The following THOC6 variants were observed in gnomAD, a reference collection of about 807,000 sequenced individuals.
THOC6 encodes the protein THO complex 6.
In THOC6, 39 loss-of-function variants were observed where a neutral mutation model predicts 55.8. The ratio of observed to expected loss-of-function variants is 0.70; its 90% CI spans 0.54 to 0.91. THOC6 has a LOEUF of 0.91. THOC6 is among the 40% of genes least tolerant of loss of function. The pLI, the probability that THOC6 is intolerant of heterozygous loss-of-function variation, is 0.00. For missense variants in THOC6, 482 were observed against 442.0 expected, an observed-to-expected ratio of 1.09 and a Z score of -0.81; for synonymous variants, 192 against 175.6, an observed-to-expected ratio of 1.09 and a Z score of -0.74.
chr16:3,024,955 T>C (rs2072746712), intron 1 of THOC6, among the ~76,000 whole-genome samples: 1 of 146,028 alleles, frequency 6.8e-6, no homozygotes, highest in African/African-American at 2.6e-5. Flanking sequence ...TTTTTTTTTT[T>C]TTTTGAGATG....
Position 3,026,098 on chromosome 16 carries a change from G to T in THOC6, c.256G>T (p.Asp86Tyr), listed in dbSNP as rs960258274. 6.2e-7 allele frequency: 1 copy of T among 1,609,308 alleles called. No homozygotes were observed. The highest frequency in any genetic ancestry group is 2.2e-5 in the East Asian group (1 of 44,756). The change falls in exon 4 of 13, where the codon GAT (aspartate) becomes TAT (tyrosine). Residue 86 changes from aspartate to tyrosine, a missense_variant. Asp to Tyr is a radical substitution (Grantham distance 160). Coordinates refer to ENST00000326266, the MANE Select transcript of THOC6 (RefSeq NM_024339.5). ...GCCCGTCTATAGCATGGTTTCCACC[G>T]ATCGACATCTGCTTAGTGCTGGGGA... is the stretch of plus-strand genomic sequence containing the variant. ...DGPVYSMVST[D>Y]RHLLSAGDGE...
Position 3,024,065 on chromosome 16 carries a change from G to C in THOC6, c.-262G>C. The C allele has an allele frequency of 2.4e-6, 2 of 845,252 alleles. No homozygotes were observed. Among genetic ancestry groups the C allele is most frequent in the South Asian group, 1.8e-5 (1 of 57,052 alleles). 52.4% of individuals were successfully genotyped at this position (845,252 alleles called of 1,614,324 possible). On this transcript the variant is annotated 5_prime_UTR_variant, in exon 1 of 13. Transcript: ENST00000326266. The stretch of plus-strand genomic sequence containing the variant: ...CGCGAGGTTCTGCGCGGGCGCGGAA[G>C]ACGGGCGGCGCGTGGCGGAAGGCAG...
chr16:3,027,535 G>T (rs983165647), intron 12 of THOC6, 35 bp downstream of exon 12: 76 of 1,612,170 alleles, frequency 4.7e-5, no homozygotes, highest in Non-Finnish European at 5.4e-5. Context: ...CGGCTGGGAG[G>T]CAGGGGTGTG....
rs200979270 is a variant in THOC6, at chr16:3,026,898, C to G, written c.618C>G (p.Ile206Met). 1 of 1,614,198 alleles carries G rather than the reference C, an allele frequency of 6.2e-7. No individual in the cohort carries two copies. Among genetic ancestry groups the G allele is most frequent in the African/African-American group, 1.3e-5 (1 of 75,044 alleles). Residue 206 changes from isoleucine to methionine, a missense_variant, in exon 9 of 13, where the codon ATC becomes ATG. By Grantham distance (10) the Ile-to-Met change is conservative. Coordinates refer to ENST00000326266, the MANE Select transcript of THOC6 (RefSeq NM_024339.5). ...GCACAGCCAAGGAGGTCCAGACGAT[C>G]GAGGTCTATAAGCACGAGGTGAGGG... Reference protein sequence around the residue: ...DLRTAKEVQTIEVYKHEECSR... With the variant: ...DLRTAKEVQTMEVYKHEECSR...
rs749027948 is a variant in THOC6, at chr16:3,027,623, A to C, written c.992A>C (p.Asn331Thr). 9.9e-6 allele frequency: 16 copies of C among 1,613,734 alleles called. No individual in the cohort carries two copies. In the East Asian group the frequency reaches 2.9e-4, roughly 29 times the overall value. Residue 331 changes from asparagine to threonine, a missense_variant, in exon 13 of 13, where the codon AAC (asparagine) becomes ACC (threonine). Transcript: ENST00000326266. ...AGCTGCCGGGTGGATGTCTTCACCA[A>C]CCTGGGTTACCGAGCCTTCTCCCTG... ...GNSCRVDVFTNLGYRAFSLSF is the reference protein window; with the variant it reads ...GNSCRVDVFTTLGYRAFSLSF
In THOC6 at chr16:3,026,588, G is replaced by T; in HGVS notation, c.483+1G>T. ...GGACCTTGAAACTGGGACTTTCACG[G>T]TGAGCAGGGTCCTGGAGCCCTAGAG... On this transcript the variant is annotated splice_donor_variant, in intron 7 of 12. Transcript: ENST00000326266. LOFTEE classifies it high-confidence loss of function. The T allele has an allele frequency of 6.2e-7, 1 of 1,614,016 alleles. No homozygotes were observed. Among genetic ancestry groups the T allele is most frequent in the Non-Finnish European group, 8.5e-7 (1 of 1,179,966 alleles).
chr16:3,027,639 C>G lies in THOC6; in HGVS notation c.1008C>G (p.Ala336=). ...VDVFTNLGYR[A]FSLSF ...TCTTCACCAACCTGGGTTACCGAGC[C>G]TTCTCCCTGTCCTTCTGATCTCTGA... Residue 336 remains alanine, a synonymous_variant, in exon 13 of 13, where the codon GCC becomes GCG. Coordinates refer to ENST00000326266, the MANE Select transcript of THOC6 (RefSeq NM_024339.5). 6.2e-7 allele frequency: 1 copy of G among 1,614,132 alleles called. No individual in the cohort carries two copies. Among genetic ancestry groups the G allele is most frequent in the Non-Finnish European group, 8.5e-7 (1 of 1,179,998 alleles).
chr16:3,025,024 C>T (rs1017205372), intron 1 of THOC6, among the ~76,000 whole-genome samples: 4 of 148,612 alleles, frequency 2.7e-5, no homozygotes, highest in Non-Finnish European at 5.9e-5. Context: ...TTCACCGCAA[C>T]CTCCGCCTCC....
rs764898592 is a variant in THOC6 at position 3,024,371 on chromosome 16, A to G, written c.39+6A>G. ...TCGCGGTGCCTCTGGGTCAGGTGAG[A>G]CGGACGTGGTGCGCGTTGCCTTCTG... On this transcript the variant is annotated splice_donor_region_variant and intron_variant, in intron 1 of 12. Transcript: ENST00000326266. The G allele has an allele frequency of 1.2e-6, 2 of 1,613,998 alleles. No individual in the cohort carries two copies. Among genetic ancestry groups the G allele is most frequent in the Non-Finnish European group, 1.7e-6 (2 of 1,179,970 alleles).
intron 4 of THOC6, 40 bp downstream of exon 4, chr16:3,026,206 C>T (rs1250189045): frequency 4.3e-6 from 7 of 1,613,818 alleles, no homozygotes; most frequent in Non-Finnish European, 5.9e-6. Flanking sequence ...GGTGCCTGGA[C>T]CCAGAGAGAG....
At position 3,027,563 on chromosome 16, in the gene THOC6, C is replaced by T. The variant is rs759480042; in HGVS notation, c.946-14C>T. ...GGGGTGTGGGCAGGCCAGTCATGCC[C>T]CTCTTTCCTCCAGGTCCTGACAGCT... On this transcript the variant is annotated splice_polypyrimidine_tract_variant and intron_variant, in intron 12 of 12. Coordinates refer to ENST00000326266, the MANE Select transcript of THOC6 (RefSeq NM_024339.5). The T allele has an allele frequency of 3.7e-6, 6 of 1,613,648 alleles. No individual in the cohort carries two copies. The highest frequency in any genetic ancestry group is 2.2e-5 in the East Asian group (1 of 44,890).
At position 3,026,790 on chromosome 16, in the gene THOC6, G is replaced by A. The variant is rs1197684560; in HGVS notation, c.586+9G>A. The A allele has an allele frequency of 3.1e-6, 5 of 1,613,964 alleles. No individual in the cohort carries two copies. The highest frequency in any genetic ancestry group is 4.2e-6 in the Non-Finnish European group (5 of 1,179,912). ...AGCTGTTCGACTTTGGGGTAAGCAG[G>A]TGGCTGGTTGGAGGGCAAGATGGCA... is the stretch of plus-strand genomic sequence containing the variant. On this transcript the variant is annotated intron_variant, in intron 8 of 12. Coordinates refer to ENST00000326266, the MANE Select transcript of THOC6 (RefSeq NM_024339.5).
intron 1 of THOC6, among the ~76,000 whole-genome samples, chr16:3,024,583 G>T (rs2072733972): frequency 6.6e-6 from 1 of 151,644 alleles, no homozygotes. Flanking sequence ...TTTCTATGTT[G>T]GGGTAGTAGA....
Position 3,026,594 on chromosome 16 carries a change from A to C in THOC6, c.483+7A>C, listed in dbSNP as rs760365642. On this transcript the variant is annotated splice_region_variant and intron_variant, in intron 7 of 12. Coordinates refer to ENST00000326266, the MANE Select transcript of THOC6 (RefSeq NM_024339.5). The stretch of plus-strand genomic sequence containing the variant: ...TGAAACTGGGACTTTCACGGTGAGC[A>C]GGGTCCTGGAGCCCTAGAGCAGGTC... The C allele has an allele frequency of 8.1e-6, 13 of 1,613,780 alleles. No homozygotes were observed. Among genetic ancestry groups the C allele is most frequent in the Non-Finnish European group, 1.1e-5 (13 of 1,179,922 alleles).
chr16:3,026,431 C>T lies in THOC6; in HGVS notation c.411+18C>T, dbSNP rs1567416103. On this transcript the variant is annotated intron_variant, in intron 6 of 12. Coordinates refer to ENST00000326266, the MANE Select transcript of THOC6 (RefSeq NM_024339.5). ...TCCCCAAGGTCTGAGCCCCATGTGA[C>T]TGTTCTTGGTCCAAACTTTGATCCT... 1 of 1,614,166 alleles carries T rather than the reference C, an allele frequency of 6.2e-7. No homozygotes were observed. Among genetic ancestry groups the T allele is most frequent in the Non-Finnish European group, 8.5e-7 (1 of 1,180,040 alleles).
chr16:3,027,371 G>C lies in THOC6; in HGVS notation c.816G>C (p.Leu272=), dbSNP rs775265023. The C allele has an allele frequency of 6.2e-7, 1 of 1,613,014 alleles. No individual in the cohort carries two copies. The highest frequency in any genetic ancestry group is 1.1e-5 in the South Asian group (1 of 91,062). ...ACCTTCCCTGTCCTCTGCAGATTCTGTCAGCTGGCCAGGGCCGCTGCGTCA... is the reference window on the plus strand; with the variant it reads ...ACCTTCCCTGTCCTCTGCAGATTCTCTCAGCTGGCCAGGGCCGCTGCGTCA... ...KHVTFYQDLI[L]SAGQGRCVNQ... The change falls in exon 12 of 13, where the codon CTG becomes CTC. Residue 272 remains leucine, a synonymous_variant. Coordinates refer to ENST00000326266, the MANE Select transcript of THOC6 (RefSeq NM_024339.5).
Position 3,026,712 on chromosome 16 carries a change from T to C in THOC6, c.517T>C (p.Cys173Arg), listed in dbSNP as rs373205446. The C allele has an allele frequency of 7.4e-6, 12 of 1,613,692 alleles. 1 individual carries two copies. The African/African-American group carries it at 1.6e-4, about 22-fold the overall frequency. Reference sequence around the variant, plus strand: ...CCGGGGCCACACAGACTACATCCACTGCCTGGCACTGCGGGAAAGGAGCCC... The same window carrying C: ...CCGGGGCCACACAGACTACATCCACCGCCTGGCACTGCGGGAAAGGAGCCC... ...VLRGHTDYIH[C>R]LALRERSPEV... Residue 173 changes from cysteine (C) to arginine (R), a missense_variant, in exon 8 of 13, where the codon TGC becomes CGC. Physicochemically the swap from Cys to Arg is radical, Grantham distance 180 (BLOSUM62 -3). Transcript: ENST00000326266.
At chr16:3,024,412 G>T (rs1455706477) in intron 1 of THOC6, 47 bp downstream of exon 1, 3 of 1,611,640 alleles carry the variant, frequency 1.9e-6, no homozygotes, top group African/African-American at 2.7e-5. Flanking sequence ...TGTAGTTCAC[G>T]CATGGCTGGG....
At position 3,026,151 on chromosome 16, in the gene THOC6, G is replaced by A. The variant is rs779946236; in HGVS notation, c.309G>A (p.Ala103=). 2.5e-5 allele frequency: 41 copies of A among 1,608,858 alleles called. No homozygotes were observed. The Middle Eastern group carries it at 5.0e-4, about 20-fold the overall frequency. Residue 103 remains alanine, a synonymous_variant, in exon 4 of 13, where the codon GCG becomes GCA. Transcript: ENST00000326266. ...GGGAGGTGAAGGCCTGGCTTTGGGC[G>A]GAGATGCTCAAGAAGGTAAGGAGTC... ...GDGEVKAWLW[A]EMLKKGCKEL...
Sources: gnomAD v4.1 joint callset for allele counts (sites outside exome capture counted in the v4.1 genomes callset) on GRCh38, gnomAD v4.1.1 for gene constraint, MANE v1.5 for transcripts, NCBI Gene and HGNC (gene_info 2026-07-23, HGNC 2026-07-21) for gene names.